The following PRKAR1A variants were observed in gnomAD, a reference collection of about 807,000 sequenced individuals.
PRKAR1A encodes the protein cAMP-dependent protein kinase type I-alpha regulatory subunit.
In PRKAR1A, 3 loss-of-function variants were observed where a neutral mutation model predicts 52.0. That is an observed-to-expected ratio of 0.06 (90% confidence interval 0.03 to 0.15). The LOEUF (loss-of-function observed/expected upper bound fraction) is 0.15. PRKAR1A is among the 10% of genes least tolerant of loss of function. PRKAR1A has a pLI of 1.00. For synonymous variants in PRKAR1A, 188 were observed against 168.4 expected (o/e 1.12, Z -0.90); for missense variants, 240 against 477.4 (o/e 0.50, Z 4.63).
chr17:68,420,581 T>A, the PRKAR1A span: 2 of 1,258,830 alleles, frequency 1.6e-6, no homozygotes, highest in East Asian at 4.6e-5. Context: ...AGTTTAGTTT[T>A]GGAGTTAGCC....
the PRKAR1A span, among the ~76,000 whole-genome samples, chr17:68,486,510 T>TTCCTTCCTTCCTTCCTTCCTTCC: frequency 2.6e-5 from 1 of 38,100 alleles, no homozygotes; most frequent in African/African-American, 9.7e-5. Flanking sequence ...TCCTTCCTTC[T>TTCCTTCCTTCCTTCCTTCCTTCC]TTCTTTCTTT....
At chr17:68,539,939 A>G in intron 11 of PRKAR1A, 2 of 1,614,144 alleles carry the variant, frequency 1.2e-6, no homozygotes, top group Non-Finnish European at 1.7e-6. Context: ...CTTGGTGAAC[A>G]TCTCATAATG....
the PRKAR1A span, among the ~76,000 whole-genome samples, chr17:68,485,455 A>G: frequency 6.6e-6 from 1 of 152,214 alleles, no homozygotes; most frequent in Non-Finnish European, 1.5e-5. Context: ...CCTTCTAAAA[A>G]TATTTCCCTT....
the PRKAR1A span, among the ~76,000 whole-genome samples, chr17:68,425,289 G>A: frequency 7.6e-4 from 115 of 152,158 alleles, 2 homozygotes; most frequent in South Asian, 0.023. Flanking sequence ...CTGCAGCCTC[G>A]ACCTCCCAGG....
At chr17:68,539,194 G>T in intron 11 of PRKAR1A, 1 of 747,662 alleles carries the variant, frequency 1.3e-6, no homozygotes, top group Non-Finnish European at 2.4e-6. Context: ...GCACAAATGT[G>T]TAGGAAATAA....
the PRKAR1A span, among the ~76,000 whole-genome samples, chr17:68,467,547 C>T: frequency 3.9e-5 from 6 of 152,152 alleles, no homozygotes; most frequent in African/African-American, 7.2e-5. Context: ...AACCAGTGCT[C>T]GATGCCCCAG....
chr17:68,450,984 C>G, the PRKAR1A span: 2 of 1,503,460 alleles, frequency 1.3e-6, no homozygotes, highest in Middle Eastern at 2.5e-4. Context: ...CCGGCGCAGG[C>G]CAGGTTCCAA....
the PRKAR1A span, among the ~76,000 whole-genome samples, chr17:68,484,603 A>G: frequency 6.6e-6 from 1 of 152,240 alleles, no homozygotes; most frequent in East Asian, 1.9e-4. Context: ...AGAGTGGATG[A>G]CCTTGACTTG....
chr17:68,524,127 T>G (rs1372442062), intron 5 of PRKAR1A, 50 bp downstream of exon 5: 3 of 1,593,472 alleles, frequency 1.9e-6, no homozygotes, highest in Non-Finnish European at 2.6e-6. Context: ...GAGGCGAGAC[T>G]AGAGGATTTT....
At chr17:68,537,023 G>A (rs992338334), downstream of PRKAR1A, 1 of 455,594 alleles carries the variant, frequency 2.2e-6, no homozygotes, top group Non-Finnish European at 4.4e-6. The surrounding 1 kb of genome is among the most constrained non-coding windows in gnomAD (Gnocchi z 4.2). Flanking sequence ...CTGGCCCAAA[G>A]TGCAGATTTT....
chr17:68,536,569 A>G (rs1409652032), downstream of PRKAR1A: 1 of 453,672 alleles, frequency 2.2e-6, no homozygotes, highest in Admixed American at 2.4e-5. Flanking sequence ...CTTTCCACAT[A>G]GCCCCTTTCT....
chr17:68,459,844 G>T, the PRKAR1A span, among the ~76,000 whole-genome samples: 1 of 130,860 alleles, frequency 7.6e-6, no homozygotes, highest in East Asian at 2.0e-4. Context: ...GTTAATTCAG[G>T]TTTTAATTTT....
chr17:68,550,506 G>C (rs780990755), intron 11 of PRKAR1A, among the ~76,000 whole-genome samples: 1 of 150,400 alleles, frequency 6.6e-6, no homozygotes, highest in African/African-American at 2.4e-5. Flanking sequence ...TCAGCCTCTC[G>C]AGTAGCTGGG....
At chr17:68,546,794 G>C (rs1001393744) in intron 11 of PRKAR1A, among the ~76,000 whole-genome samples, 58 of 145,552 alleles carry the variant, frequency 4.0e-4, no homozygotes, top group Non-Finnish European at 6.0e-4. Flanking sequence ...TGAGCCACTG[G>C]ACTCCAGCCT....
At chr17:68,427,543 G>A in the PRKAR1A span, 1 of 232,326 alleles carries the variant, frequency 4.3e-6, no homozygotes, top group Non-Finnish European at 8.6e-6. Flanking sequence ...TTTTAGTAGA[G>A]ACTGGGTTTC....
chr17:68,450,934 A>T, the PRKAR1A span: 5 of 1,586,628 alleles, frequency 3.2e-6, no homozygotes, highest in East Asian at 9.0e-5. Context: ...ACATGGATTG[A>T]TCACTTCCAA....
chr17:68,498,133 T>G, the PRKAR1A span, among the ~76,000 whole-genome samples: 2 of 152,188 alleles, frequency 1.3e-5, no homozygotes, highest in Non-Finnish European at 2.9e-5. Flanking sequence ...GCCACACCTT[T>G]GCTAGCAAAG....
At chr17:68,453,480 T>G in the PRKAR1A span, among the ~76,000 whole-genome samples, 2 of 124,088 alleles carry the variant, frequency 1.6e-5, no homozygotes, top group Admixed American at 1.5e-4. Context: ...TTTCTTTTCC[T>G]TTTTTTTTTT....
chr17:68,442,397 G>A, the PRKAR1A span, among the ~76,000 whole-genome samples: 42 of 150,158 alleles, frequency 2.8e-4, no homozygotes, highest in African/African-American at 8.3e-4. Context: ...TCCGGGAGGC[G>A]AAGGTTGCAG....
Sources: allele counts gnomAD v4.1 joint callset (sites outside exome capture counted in the v4.1 genomes callset), GRCh38; gene constraint gnomAD v4.1.1; non-coding constraint Gnocchi (gnomAD v3.1); transcripts MANE v1.5; gene names NCBI Gene and HGNC (gene_info 2026-07-23, HGNC 2026-07-21).